The following PIK3AP1 variants were observed in gnomAD, a reference collection of about 807,000 sequenced individuals.
PIK3AP1 encodes phosphoinositide-3-kinase adaptor protein 1, also known as phosphoinositide 3-kinase adapter protein 1.
A neutral mutation model predicts 88.1 loss-of-function variants in PIK3AP1; 21 were observed. That is an observed-to-expected ratio of 0.24 (90% CI 0.17 to 0.34). The LOEUF is 0.34. Among genes scored for constraint, PIK3AP1 ranks in the 10% least tolerant of loss-of-function variants. The pLI is 1.00. For synonymous variants in PIK3AP1, 398 were observed against 400.0 expected (o/e 1.00, Z 0.06); for missense variants, 828 against 1,035.7 (o/e 0.80, Z 2.75).
At chr10:96,595,782 C>A (rs1022302618) in intron 16 of PIK3AP1, 148 bp from the exon 17 acceptor site, 4 of 751,500 alleles carry the variant, frequency 5.3e-6, no homozygotes, top group Non-Finnish European at 8.9e-6. Context: ...ATGAGTGACA[C>A]GCATGCTAGC....
At chr10:96,616,370 A>C (rs567942774) in intron 13 of PIK3AP1, among the ~76,000 whole-genome samples, 1 of 152,336 alleles carries the variant, frequency 6.6e-6, no homozygotes, top group Non-Finnish European at 1.5e-5. Context: ...ATCCTATTTG[A>C]GTGAAAAGGT....
chr10:96,628,623 C>T (rs543434344), intron 8 of PIK3AP1, 130 bp from the exon 9 acceptor site: 2 of 758,970 alleles, frequency 2.6e-6, no homozygotes, highest in East Asian at 5.3e-5. Context: ...ATCCATCCCT[C>T]CATCCATCCA....
chr10:96,681,517 T>A (rs1368669137), intron 2 of PIK3AP1, among the ~76,000 whole-genome samples: 1 of 152,146 alleles, frequency 6.6e-6, no homozygotes, highest in Admixed American at 6.5e-5. Flanking sequence ...TATGCTGAGA[T>A]CAGTCTCTTT....
chr10:96,708,558 G>A (rs1465222939), intron 2 of PIK3AP1, among the ~76,000 whole-genome samples: 2 of 117,884 alleles, frequency 1.7e-5, no homozygotes, highest in Non-Finnish European at 3.3e-5. Flanking sequence ...CTGGACGTCA[G>A]AGCGAGGATC....
At chr10:96,699,539 T>G (rs1389798927) in intron 2 of PIK3AP1, among the ~76,000 whole-genome samples, 1 of 152,202 alleles carries the variant, frequency 6.6e-6, no homozygotes, top group Non-Finnish European at 1.5e-5. Context: ...CATTATACAT[T>G]TTTTGGATAG....
At chr10:96,671,768 T>C (rs537299100) in intron 2 of PIK3AP1, among the ~76,000 whole-genome samples, 4 of 152,230 alleles carry the variant, frequency 2.6e-5, no homozygotes, top group African/African-American at 9.6e-5. Flanking sequence ...TGGCCAGGCA[T>C]GATTACTCAC....
intron 3 of PIK3AP1, among the ~76,000 whole-genome samples, chr10:96,653,293 T>C (rs1843567534): frequency 6.7e-6 from 1 of 149,948 alleles, no homozygotes; most frequent in African/African-American, 2.5e-5. Context: ...TAGTTCCAGT[T>C]ACTCAAGAGG....
chr10:96,669,886 G>A (rs541663815), intron 2 of PIK3AP1, among the ~76,000 whole-genome samples: 2 of 152,164 alleles, frequency 1.3e-5, no homozygotes, highest in South Asian at 2.1e-4. Flanking sequence ...TAAGTGTTTA[G>A]AAAAGTGGGA....
chr10:96,623,677 G>A (rs1196550370), intron 10 of PIK3AP1, 140 bp from the exon 11 acceptor site: 1 of 700,242 alleles, frequency 1.4e-6, no homozygotes, highest in Non-Finnish European at 2.4e-6. Context: ...TAATGAGAAG[G>A]ACTAGGAATT....
intron 14 of PIK3AP1, among the ~76,000 whole-genome samples, chr10:96,604,512 T>C (rs1053565321): frequency 3.9e-5 from 6 of 152,064 alleles, no homozygotes; most frequent in African/African-American, 1.4e-4. Flanking sequence ...ACCATTTTAT[T>C]AGAGTTCAGT....
chr10:96,602,077 G>C (rs1848907045), intron 16 of PIK3AP1, among the ~76,000 whole-genome samples: 2 of 152,154 alleles, frequency 1.3e-5, no homozygotes, highest in South Asian at 2.1e-4. Context: ...TAGAGATGGG[G>C]TATCACCATG....
At chr10:96,600,459 T>C (rs976353251) in intron 16 of PIK3AP1, among the ~76,000 whole-genome samples, 1 of 152,228 alleles carries the variant, frequency 6.6e-6, no homozygotes, top group Non-Finnish European at 1.5e-5. Context: ...ACTAGATTAC[T>C]GCTAAGCTTC....
chr10:96,681,229 T>G (rs536491186), intron 2 of PIK3AP1, among the ~76,000 whole-genome samples: 43 of 152,352 alleles, frequency 2.8e-4, no homozygotes, highest in Non-Finnish European at 1.6e-4. Context: ...ACACCAGTCA[T>G]ATTGGATAAG....
intron 10 of PIK3AP1, among the ~76,000 whole-genome samples, chr10:96,624,790 G>C (rs553609518): frequency 2.0e-5 from 3 of 152,150 alleles, no homozygotes; most frequent in Non-Finnish European, 4.4e-5. Context: ...GTCATCTCCT[G>C]CCTCTCTCCT....
chr10:96,693,600 G>A lies in PIK3AP1; in HGVS notation c.430+15967C>T, dbSNP rs192270054. On this transcript the variant is annotated intron_variant, in intron 2 of 16. Transcript: ENST00000339364. ...AATACTTCTGTTCATAAACCTTCAC[G>A]TAACACTTTCTTGGAAGTGACATTG... 5.1e-3 allele frequency among the ~76,000 whole-genome samples: 782 copies of A among 152,234 alleles called. 8 individuals carry two copies. The highest frequency in any genetic ancestry group is 0.017 in the African/African-American group (704 of 41,530).
At chr10:96,645,789 G>T in intron 7 of PIK3AP1, 127 bp from the exon 8 acceptor site, 1 of 754,140 alleles carries the variant, frequency 1.3e-6, no homozygotes, top group Non-Finnish European at 2.1e-6. Context: ...AACTGGTTGT[G>T]TGTATTTGTA....
intron 2 of PIK3AP1, among the ~76,000 whole-genome samples, chr10:96,705,965 C>A (rs1210880309): frequency 7.4e-6 from 1 of 135,848 alleles, no homozygotes; most frequent in Non-Finnish European, 1.5e-5. Context: ...GCCATCTCGG[C>A]TCACTGCAAG....
At chr10:96,631,631 G>A (rs1337915150) in intron 8 of PIK3AP1, among the ~76,000 whole-genome samples, 1 of 152,198 alleles carries the variant, frequency 6.6e-6, no homozygotes, top group African/African-American at 2.4e-5. Context: ...GCTCATGCCT[G>A]TAATCCCAGC....
chr10:96,673,659 A>G (rs1843878024), intron 2 of PIK3AP1, among the ~76,000 whole-genome samples: 3 of 152,190 alleles, frequency 2.0e-5, no homozygotes, highest in Admixed American at 1.3e-4. Context: ...TGGTTCAGGA[A>G]TCAGTTCTTA....
Sources: gnomAD v4.1 joint callset for allele counts (sites outside exome capture counted in the v4.1 genomes callset) on GRCh38, gnomAD v4.1.1 for gene constraint, MANE v1.5 for transcripts, NCBI Gene and HGNC (gene_info 2026-07-23, HGNC 2026-07-21) for gene names.